The following SLC24A3 variants were observed in gnomAD, a reference collection of about 807,000 sequenced individuals.
SLC24A3 encodes the protein solute carrier family 24 member 3.
A neutral mutation model predicts 75.8 loss-of-function variants in SLC24A3; 28 were observed. The observed-to-expected ratio is 0.37, with a 90% CI of 0.27 to 0.51. The LOEUF is 0.51. SLC24A3 is among the 20% of genes least tolerant of loss of function. SLC24A3 has a pLI of 0.94. For missense variants in SLC24A3, 663 were observed against 847.8 expected (o/e 0.78, Z 2.71); for synonymous variants, 372 against 334.1 (o/e 1.11, Z -1.24).
At chr20:19,228,057 G>T (rs1600383317) in intron 1 of SLC24A3, among the ~76,000 whole-genome samples, 1 of 152,086 alleles carries the variant, frequency 6.6e-6, no homozygotes, top group African/African-American at 2.4e-5. Flanking sequence ...ACTGGTGAAG[G>T]TTACTCTGGT....
At chr20:19,615,563 A>G (rs1045806348) in intron 6 of SLC24A3, among the ~76,000 whole-genome samples, 3 of 152,196 alleles carry the variant, frequency 2.0e-5, no homozygotes, top group Non-Finnish European at 4.4e-5. Context: ...TCAAACAACC[A>G]GATCTCTAAA....
chr20:19,671,059 TA>T (rs1450811981), intron 8 of SLC24A3, among the ~76,000 whole-genome samples: 2 of 152,096 alleles, frequency 1.3e-5, no homozygotes, highest in Non-Finnish European at 1.5e-5. Context: ...ACAGACTGCT[TA>T]GAGGTTTGAA....
intron 2 of SLC24A3, among the ~76,000 whole-genome samples, chr20:19,377,191 A>G (rs758959450): frequency 5.3e-5 from 8 of 152,196 alleles, no homozygotes; most frequent in Non-Finnish European, 1.2e-4. Flanking sequence ...TTTGATCCAC[A>G]TGAAAATTTG....
At chr20:19,583,946 G>A (rs1415799628) in intron 4 of SLC24A3, among the ~76,000 whole-genome samples, 2 of 152,180 alleles carry the variant, frequency 1.3e-5, no homozygotes. Context: ...ACTATTGTGG[G>A]TCACTCAATG....
At chr20:19,565,202 C>T (rs531969621) in intron 3 of SLC24A3, among the ~76,000 whole-genome samples, 8 of 152,332 alleles carry the variant, frequency 5.3e-5, no homozygotes, top group African/African-American at 1.4e-4. Context: ...TCAAAGGCTC[C>T]GCTTACATAT....
intron 1 of SLC24A3, among the ~76,000 whole-genome samples, chr20:19,218,856 A>C (rs990271343): frequency 2.6e-5 from 4 of 152,170 alleles, no homozygotes; most frequent in African/African-American, 9.7e-5. Context: ...GAGTGAAAGA[A>C]CTTTTTGGAG....
At chr20:19,580,514 CCT>C (rs2031204647) in intron 4 of SLC24A3, among the ~76,000 whole-genome samples, 2 of 152,070 alleles carry the variant, frequency 1.3e-5, no homozygotes, top group African/African-American at 4.8e-5. Context: ...TGCCATGCTT[CCT>C]CTCTCTGTAT....
chr20:19,492,994 G>A (rs1988230138), intron 2 of SLC24A3, among the ~76,000 whole-genome samples: 1 of 152,100 alleles, frequency 6.6e-6, no homozygotes, highest in Non-Finnish European at 1.5e-5. Flanking sequence ...TTCCAATAAT[G>A]TTTTATATGT....
At chr20:19,481,293 A>G (rs1348538281) in intron 2 of SLC24A3, among the ~76,000 whole-genome samples, 1 of 152,184 alleles carries the variant, frequency 6.6e-6, no homozygotes, top group Non-Finnish European at 1.5e-5. Flanking sequence ...AGCAGTGACT[A>G]TGTGCTGGAC....
chr20:19,617,745 C>T (rs2031754124), intron 6 of SLC24A3, among the ~76,000 whole-genome samples: 1 of 152,146 alleles, frequency 6.6e-6, no homozygotes, highest in Admixed American at 6.5e-5. Context: ...CCATCCCTAG[C>T]CCATAAGTTT....
chr20:19,659,227 A>G (rs1415087620), intron 7 of SLC24A3, among the ~76,000 whole-genome samples: 1 of 152,218 alleles, frequency 6.6e-6, no homozygotes, highest in African/African-American at 2.4e-5. Flanking sequence ...GGGGGTCTTC[A>G]GGGCAACCTG....
At chr20:19,421,852 T>C (rs746307423) in intron 2 of SLC24A3, among the ~76,000 whole-genome samples, 11 of 152,160 alleles carry the variant, frequency 7.2e-5, no homozygotes, top group Non-Finnish European at 1.5e-4. Context: ...ATGCACGAAC[T>C]TCCGGAGCCT....
chr20:19,421,395 G>A (rs1986915770), intron 2 of SLC24A3, among the ~76,000 whole-genome samples: 1 of 150,422 alleles, frequency 6.6e-6, no homozygotes, highest in South Asian at 2.1e-4. Flanking sequence ...GACATGAACA[G>A]ACACTTCTCA....
intron 2 of SLC24A3, among the ~76,000 whole-genome samples, chr20:19,346,231 G>T (rs200036462): frequency 4.3e-5 from 3 of 69,542 alleles, no homozygotes; most frequent in Non-Finnish European, 2.5e-5. Context: ...TGTATATATG[G>T]TATATATATA....
chr20:19,326,514 A>G (rs1304156439), intron 2 of SLC24A3, among the ~76,000 whole-genome samples: 1 of 152,062 alleles, frequency 6.6e-6, no homozygotes, highest in East Asian at 1.9e-4. Flanking sequence ...GTGGGTGTGT[A>G]GAGCTGGATC....
intron 2 of SLC24A3, among the ~76,000 whole-genome samples, chr20:19,348,374 G>A (rs1985480641): frequency 1.3e-5 from 2 of 152,304 alleles, no homozygotes; most frequent in South Asian, 4.1e-4. Context: ...AGTCATAGCT[G>A]GAGGTCCATT....
chr20:19,622,066 G>A (rs1339753048), intron 6 of SLC24A3, among the ~76,000 whole-genome samples: 1 of 152,162 alleles, frequency 6.6e-6, no homozygotes, highest in Non-Finnish European at 1.5e-5. Context: ...CACTTGCAGA[G>A]TCAGGGACCC....
chr20:19,484,619 G>A (rs1210099945), intron 2 of SLC24A3, among the ~76,000 whole-genome samples: 2 of 152,026 alleles, frequency 1.3e-5, no homozygotes, highest in African/African-American at 4.8e-5. Flanking sequence ...AGTCCACTTG[G>A]GTGAAGTCTC....
At chr20:19,277,874 T>A (rs1160600129) in intron 1 of SLC24A3, among the ~76,000 whole-genome samples, 2 of 152,248 alleles carry the variant, frequency 1.3e-5, no homozygotes, top group Non-Finnish European at 2.9e-5. Context: ...CTCCTGCTTC[T>A]TTTTAAATCT....
Sources: allele counts gnomAD v4.1 joint callset (sites outside exome capture counted in the v4.1 genomes callset), GRCh38; gene constraint gnomAD v4.1.1; transcripts MANE v1.5; gene names NCBI Gene and HGNC (gene_info 2026-07-23, HGNC 2026-07-21).